SEMA3A: variants seen among roughly 807,000 people sequenced by gnomAD.
SEMA3A encodes the protein semaphorin-3A.
SEMA3A carries 29 observed loss-of-function variants against 97.9 expected under a neutral mutation model. The observed-to-expected ratio is 0.30, with a 90% CI of 0.22 to 0.40. The LOEUF is 0.40. SEMA3A is among the 10% of genes least tolerant of loss of function. SEMA3A has a pLI of 1.00. For synonymous variants in SEMA3A, 321 were observed against 323.7 expected, an observed-to-expected ratio of 0.99 and a Z score of 0.09; for missense variants, 763 against 951.3, an observed-to-expected ratio of 0.80 and a Z score of 2.60.
intron 1 of SEMA3A, among the ~76,000 whole-genome samples, chr7:84,411,045 G>A (rs1335606551): frequency 6.6e-6 from 1 of 152,040 alleles, no homozygotes; most frequent in Non-Finnish European, 1.5e-5. Context: ...TGTATTAGCA[G>A]ATGTTTATAT....
chr7:83,988,367 C>T (rs1222830264), intron 12 of SEMA3A, among the ~76,000 whole-genome samples: 2 of 151,990 alleles, frequency 1.3e-5, no homozygotes, highest in Non-Finnish European at 2.9e-5. Flanking sequence ...GCTGGGACTA[C>T]AGGCGCCCAC....
intron 1 of SEMA3A, among the ~76,000 whole-genome samples, chr7:84,168,278 T>A (rs1392302159): frequency 6.6e-6 from 1 of 152,022 alleles, no homozygotes; most frequent in Non-Finnish European, 1.5e-5. Flanking sequence ...TCTGCAAAAA[T>A]CAAACTAAAT....
At chr7:84,044,983 G>A (rs1351112785) in intron 6 of SEMA3A, among the ~76,000 whole-genome samples, 1 of 152,030 alleles carries the variant, frequency 6.6e-6, no homozygotes, top group African/African-American at 2.4e-5. Flanking sequence ...CAGAAATGCT[G>A]TCATAGGAGG....
At chr7:84,189,936 A>G (rs1479975674) in intron 1 of SEMA3A, among the ~76,000 whole-genome samples, 2 of 151,740 alleles carry the variant, frequency 1.3e-5, no homozygotes, top group African/African-American at 4.8e-5. Context: ...TTAGTAAACT[A>G]CGTATTTCAT....
chr7:84,254,631 C>T (rs992024536), intron 3 of SEMA3A, among the ~76,000 whole-genome samples: 6 of 152,038 alleles, frequency 3.9e-5, no homozygotes, highest in Non-Finnish European at 8.8e-5. Flanking sequence ...AAAATTTAAG[C>T]AGTTTTACTA....
At chr7:84,407,085 C>G (rs2116235751) in intron 1 of SEMA3A, among the ~76,000 whole-genome samples, 1 of 152,164 alleles carries the variant, frequency 6.6e-6, no homozygotes, top group African/African-American at 2.4e-5. Flanking sequence ...AAAGGGTATT[C>G]AATTAGGAAA....
chr7:84,271,081 G>A (rs1800140770), intron 3 of SEMA3A, among the ~76,000 whole-genome samples: 1 of 152,036 alleles, frequency 6.6e-6, no homozygotes, highest in East Asian at 1.9e-4. Context: ...AATATATAAG[G>A]ACTATATATT....
intron 12 of SEMA3A, among the ~76,000 whole-genome samples, chr7:83,994,144 C>T (rs1045642060): frequency 6.1e-5 from 9 of 147,682 alleles, no homozygotes; most frequent in Non-Finnish European, 1.2e-4. Flanking sequence ...ATGTAGTTCT[C>T]GAGCCTTGGT....
chr7:84,141,442 G>A (rs1210106492), intron 1 of SEMA3A, among the ~76,000 whole-genome samples: 1 of 152,032 alleles, frequency 6.6e-6, no homozygotes, highest in Non-Finnish European at 1.5e-5. Context: ...TTTATGCCAG[G>A]ATTCTCCCCT....
chr7:84,073,020 A>T (rs547512084), intron 4 of SEMA3A, among the ~76,000 whole-genome samples: 2 of 152,284 alleles, frequency 1.3e-5, no homozygotes, highest in Admixed American at 6.5e-5. Flanking sequence ...AAAATGCAAG[A>T]TTCACAAACA....
Position 84,061,601 on chromosome 7 carries a change from T to G in SEMA3A, c.454-1043A>C, listed in dbSNP as rs140994929. On this transcript the variant is annotated intron_variant, in intron 4 of 16. Transcript: ENST00000265362. ...TTTCTCTACTATTCACATAAAAGTATTTTCTACCATCTTGGTATATTAAAT... is the reference window on the plus strand; with the variant it reads ...TTTCTCTACTATTCACATAAAAGTAGTTTCTACCATCTTGGTATATTAAAT... 2.5e-3 allele frequency among the ~76,000 whole-genome samples: 384 copies of G among 152,338 alleles called. 2 individuals are homozygous for G. Among genetic ancestry groups the G allele is most frequent in the African/African-American group, 8.8e-3 (364 of 41,576 alleles).
intron 2 of SEMA3A, among the ~76,000 whole-genome samples, chr7:84,365,898 T>C (rs1438629236): frequency 2.0e-5 from 3 of 151,394 alleles, no homozygotes; most frequent in Non-Finnish European, 4.4e-5. Context: ...AAATATTTTA[T>C]CTTAAGTTAA....
intron 4 of SEMA3A, among the ~76,000 whole-genome samples, chr7:84,085,525 A>G (rs1287282485): frequency 1.3e-5 from 2 of 152,162 alleles, no homozygotes; most frequent in African/African-American, 4.8e-5. Context: ...GAATATCCTG[A>G]ATCATACACT....
At chr7:83,999,670 A>C (rs1157660993) in intron 12 of SEMA3A, among the ~76,000 whole-genome samples, 1 of 152,140 alleles carries the variant, frequency 6.6e-6, no homozygotes, top group Non-Finnish European at 1.5e-5. Flanking sequence ...TTTACAGTGG[A>C]AATTAGTTAA....
chr7:84,248,948 A>T (rs1331935072), intron 3 of SEMA3A, among the ~76,000 whole-genome samples: 1 of 152,198 alleles, frequency 6.6e-6, no homozygotes, highest in Non-Finnish European at 1.5e-5. Context: ...ATGGAAGGCT[A>T]CATTTGACTA....
At chr7:84,346,455 T>C (rs920625572) in intron 2 of SEMA3A, among the ~76,000 whole-genome samples, 9 of 152,198 alleles carry the variant, frequency 5.9e-5, no homozygotes, top group Non-Finnish European at 1.0e-4. Flanking sequence ...TATAGCTTTT[T>C]ATTTAAAGTG....
chr7:84,465,751 C>T (rs1805973362), intron 1 of SEMA3A, among the ~76,000 whole-genome samples: 1 of 152,006 alleles, frequency 6.6e-6, no homozygotes, highest in Non-Finnish European at 1.5e-5. Context: ...TATATTCTAC[C>T]TCCTAAATAT....
intron 1 of SEMA3A, among the ~76,000 whole-genome samples, chr7:84,463,321 T>C (rs1192611215): frequency 7.2e-6 from 1 of 139,740 alleles, no homozygotes; most frequent in Non-Finnish European, 1.5e-5. Context: ...CAATCTCGGC[T>C]CACTGCAACC....
At chr7:83,983,764 A>G (rs1458387430) in intron 13 of SEMA3A, among the ~76,000 whole-genome samples, 1 of 152,166 alleles carries the variant, frequency 6.6e-6, no homozygotes, top group Non-Finnish European at 1.5e-5. Flanking sequence ...TCCAGTCACT[A>G]GTAAGTTACC....
Sources: gnomAD v4.1 joint callset for allele counts (sites outside exome capture counted in the v4.1 genomes callset) on GRCh38, gnomAD v4.1.1 for gene constraint, MANE v1.5 for transcripts, NCBI Gene and HGNC (gene_info 2026-07-23, HGNC 2026-07-21) for gene names.